MSRA: variants seen among roughly 807,000 people sequenced by gnomAD.
The protein encoded by MSRA is methionine sulfoxide reductase A, also known as mitochondrial peptide methionine sulfoxide reductase.
MSRA carries 54 observed loss-of-function variants against 31.3 expected under a neutral mutation model. That is an observed-to-expected ratio of 1.73 (90% CI 1.39 to 2.17). The LOEUF (loss-of-function observed/expected upper bound fraction) is 2.17, where lower values mean the gene tolerates loss of function less well. Among genes scored for constraint, MSRA ranks in the 30% most tolerant of loss-of-function variants. The probability of loss-of-function intolerance (pLI) is 0.00; values close to 1 mark genes in which losing one functional copy is unlikely to be tolerated. For synonymous variants in MSRA, 169 were observed against 116.5 expected, an observed-to-expected ratio of 1.45 and a Z score of -2.90; for missense variants, 507 against 300.9, an observed-to-expected ratio of 1.69 and a Z score of -5.07.
chr8:10,417,754 T>TTGTGTGTGTGTGTG (rs113437676), intron 5 of MSRA, among the ~76,000 whole-genome samples: 3,017 of 129,884 alleles, frequency 0.023, 256 homozygotes, highest in African/African-American at 0.069. Context: ...AACCTGCATG[T>TTGTGTGTGTGTGTG]TGTGTGTGTG....
At chr8:10,095,158 A>G (rs1799068246) in intron 1 of MSRA, among the ~76,000 whole-genome samples, 1 of 152,244 alleles carries the variant, frequency 6.6e-6, no homozygotes, top group South Asian at 2.1e-4. Context: ...TCTTATAAAA[A>G]GAAATACAGT....
chr8:10,306,277 A>G (rs532145971), intron 4 of MSRA, among the ~76,000 whole-genome samples: 2 of 152,228 alleles, frequency 1.3e-5, no homozygotes, highest in Non-Finnish European at 2.9e-5. Flanking sequence ...TGCCGACTTA[A>G]TGGTCTGATG....
intron 3 of MSRA, among the ~76,000 whole-genome samples, chr8:10,300,905 A>T (rs1053162644): frequency 1.3e-5 from 2 of 152,092 alleles, no homozygotes; most frequent in African/African-American, 2.4e-5. Context: ...CTTACAGAGG[A>T]TCCTGCAAGT....
intron 5 of MSRA, among the ~76,000 whole-genome samples, chr8:10,407,742 G>A (rs1443832664): frequency 6.6e-6 from 1 of 152,154 alleles, no homozygotes; most frequent in African/African-American, 2.4e-5. Context: ...GAGGCACAGA[G>A]CAGGAATTGT....
chr8:10,351,224 T>C (rs184612120), intron 5 of MSRA, among the ~76,000 whole-genome samples: 1 of 151,548 alleles, frequency 6.6e-6, no homozygotes, highest in Non-Finnish European at 1.5e-5. Context: ...TGAATGATGG[T>C]TGTTTTTGCT....
At chr8:10,062,323 A>G (rs979340738) in intron 1 of MSRA, among the ~76,000 whole-genome samples, 4 of 152,188 alleles carry the variant, frequency 2.6e-5, no homozygotes, top group Non-Finnish European at 5.9e-5. Flanking sequence ...TCTACAAGAG[A>G]TGCTTTCAGG....
intron 1 of MSRA, among the ~76,000 whole-genome samples, chr8:10,141,067 G>C (rs1029445988): frequency 1.3e-5 from 2 of 152,188 alleles, no homozygotes; most frequent in African/African-American, 4.8e-5. Flanking sequence ...GAGTTGTAGA[G>C]GGCCTGTTCT....
chr8:10,230,324 C>A (rs890604911), intron 2 of MSRA, among the ~76,000 whole-genome samples: 1 of 152,102 alleles, frequency 6.6e-6, no homozygotes, highest in Non-Finnish European at 1.5e-5. Flanking sequence ...AAGGTTATAC[C>A]GGAAATGGCA....
At chr8:10,112,423 C>T (rs1223490726) in intron 1 of MSRA, among the ~76,000 whole-genome samples, 1 of 152,206 alleles carries the variant, frequency 6.6e-6, no homozygotes, top group African/African-American at 2.4e-5. Flanking sequence ...TGTTAACATT[C>T]TTACTAAAGT....
chr8:10,341,753 A>G (rs1803440598), intron 5 of MSRA, among the ~76,000 whole-genome samples: 1 of 152,192 alleles, frequency 6.6e-6, no homozygotes. Flanking sequence ...GACGTAAGTG[A>G]GATGACATGT....
intron 1 of MSRA, among the ~76,000 whole-genome samples, chr8:10,169,199 C>A (rs1301551974): frequency 1.3e-5 from 2 of 152,202 alleles, no homozygotes; most frequent in Non-Finnish European, 2.9e-5. Flanking sequence ...CTCCCTCACC[C>A]CTTCATTGGT....
chr8:10,248,846 G>A (rs1797768033), intron 3 of MSRA, among the ~76,000 whole-genome samples: 1 of 152,214 alleles, frequency 6.6e-6, no homozygotes, highest in Non-Finnish European at 1.5e-5. Flanking sequence ...CAAGGGGGCG[G>A]TCTCTTAGGA....
At chr8:10,133,208 G>C (rs557346117) in intron 1 of MSRA, among the ~76,000 whole-genome samples, 9 of 152,190 alleles carry the variant, frequency 5.9e-5, no homozygotes, top group Admixed American at 3.9e-4. Context: ...AGACAGGGTT[G>C]GTTGGGGAGA....
chr8:10,188,543 C>A (rs1807244914), intron 1 of MSRA, among the ~76,000 whole-genome samples: 2 of 152,190 alleles, frequency 1.3e-5, no homozygotes, highest in South Asian at 4.1e-4. Flanking sequence ...TGAGCACTTT[C>A]ACATTTATAG....
chr8:10,414,096 G>C (rs1341585562), intron 5 of MSRA, among the ~76,000 whole-genome samples: 1 of 152,146 alleles, frequency 6.6e-6, no homozygotes, highest in East Asian at 1.9e-4. Flanking sequence ...GAGCCTAGGA[G>C]TTTGAGGCTG....
chr8:10,118,765 C>G (rs1800879118), intron 1 of MSRA, among the ~76,000 whole-genome samples: 1 of 152,206 alleles, frequency 6.6e-6, no homozygotes, highest in South Asian at 2.1e-4. Flanking sequence ...AAACCAGCTC[C>G]TCTGTTACCT....
chr8:10,322,846 C>A (rs1202547389), intron 5 of MSRA, among the ~76,000 whole-genome samples: 2 of 152,156 alleles, frequency 1.3e-5, no homozygotes, highest in Non-Finnish European at 2.9e-5. Flanking sequence ...AATCCCAGCA[C>A]TTTGGGAGGC....
chr8:10,289,852 AT>A (rs1425716199), intron 3 of MSRA, among the ~76,000 whole-genome samples: 3 of 152,310 alleles, frequency 2.0e-5, no homozygotes, highest in South Asian at 4.1e-4. Context: ...GATCCTAAAC[AT>A]TTGAAGTCTT....
intron 2 of MSRA, among the ~76,000 whole-genome samples, chr8:10,211,541 T>G (rs1160200723): frequency 6.6e-6 from 1 of 152,104 alleles, no homozygotes; most frequent in Admixed American, 6.5e-5. Flanking sequence ...GAGCCACACA[T>G]TTTGCAATTA....
Sources: allele counts gnomAD v4.1 joint callset (sites outside exome capture counted in the v4.1 genomes callset), GRCh38; gene constraint gnomAD v4.1.1; transcripts MANE v1.5; gene names NCBI Gene and HGNC (gene_info 2026-07-23, HGNC 2026-07-21).